RANBP10: variants seen among roughly 807,000 people sequenced by gnomAD.
RANBP10 encodes the protein RAN binding protein 10.
A neutral mutation model predicts 72.8 loss-of-function variants in RANBP10; 24 were observed. The observed-to-expected ratio is 0.33, with a 90% confidence interval of 0.24 to 0.46. The LOEUF is 0.46. RANBP10 is among the 20% of genes least tolerant of loss of function. The pLI, the probability that RANBP10 is intolerant of heterozygous loss-of-function variation, is 1.00. For missense variants in RANBP10, 679 were observed against 817.5 expected (o/e 0.83, Z 2.07); for synonymous variants, 310 against 322.3 (o/e 0.96, Z 0.41).
intron 2 of RANBP10, among the ~76,000 whole-genome samples, chr16:67,799,619 G>T (rs995895666): frequency 6.6e-6 from 1 of 152,030 alleles, no homozygotes; most frequent in Non-Finnish European, 1.5e-5. Context: ...TGTTTCTTCT[G>T]CCTGAAGCAT....
intron 3 of RANBP10, among the ~76,000 whole-genome samples, chr16:67,758,840 T>G (rs1260997560): frequency 6.6e-6 from 1 of 151,210 alleles, no homozygotes; most frequent in East Asian, 1.9e-4. Context: ...ATGCCCAGAA[T>G]AAGACTTTTT....
In RANBP10 at chr16:67,775,367, G is replaced by A. The variant is rs78026795; in HGVS notation, c.348-3281C>T. ...ACATCATACTCAATGGTGGAAGACT[G>A]AAAGCCTTTCATCTAAGATGCCTGC... is the stretch of plus-strand genomic sequence containing the variant. On this transcript the variant is annotated intron_variant, in intron 2 of 13. Transcript: ENST00000317506. Among the ~76,000 whole-genome samples, 427 of 152,258 alleles carry A rather than the reference G, an allele frequency of 2.8e-3. 1 individual carries two copies. Among genetic ancestry groups the A allele is most frequent in the African/African-American group, 9.8e-3 (409 of 41,538 alleles).
chr16:67,752,968 A>G (rs1369972676), intron 3 of RANBP10, among the ~76,000 whole-genome samples: 1 of 152,206 alleles, frequency 6.6e-6, no homozygotes, highest in Non-Finnish European at 1.5e-5. Flanking sequence ...GGCTGGGTGC[A>G]GTGGCTCATG....
chr16:67,737,509 T>C (rs1441970448), intron 5 of RANBP10, among the ~76,000 whole-genome samples: 2 of 151,958 alleles, frequency 1.3e-5, no homozygotes, highest in African/African-American at 4.8e-5. Context: ...GCCAGAAAAC[T>C]CCATCCTTTT....
intron 3 of RANBP10, among the ~76,000 whole-genome samples, chr16:67,751,177 C>T (rs1235180588): frequency 2.6e-5 from 4 of 152,150 alleles, no homozygotes; most frequent in African/African-American, 9.7e-5. Context: ...CCTACTTAGT[C>T]AGTGATTCAA....
At chr16:67,794,175 A>G (rs138748841) in intron 2 of RANBP10, among the ~76,000 whole-genome samples, 4,856 of 152,172 alleles carry the variant, frequency 0.032, 114 homozygotes, top group Non-Finnish European at 0.051. Flanking sequence ...TGGTGGCTCA[A>G]GCCTGTAATC....
chr16:67,743,422 C>A (rs2054007276), intron 4 of RANBP10, among the ~76,000 whole-genome samples: 2 of 152,092 alleles, frequency 1.3e-5, no homozygotes, highest in Admixed American at 1.3e-4. Flanking sequence ...CACCTCAGGG[C>A]CAATGTGGCC....
At chr16:67,737,421 C>T (rs944311284) in intron 5 of RANBP10, among the ~76,000 whole-genome samples, 13 of 151,890 alleles carry the variant, frequency 8.6e-5, no homozygotes, top group Non-Finnish European at 1.3e-4. Flanking sequence ...CCAGGACGAT[C>T]TTGATCTCCT....
intron 5 of RANBP10, among the ~76,000 whole-genome samples, chr16:67,736,059 A>G (rs1314531058): frequency 6.6e-6 from 1 of 151,986 alleles, no homozygotes; most frequent in African/African-American, 2.4e-5. Context: ...AACTGTCCAG[A>G]GCCTCGCTAG....
In RANBP10 at chr16:67,806,549, T is replaced by C. The variant is rs553311826; in HGVS notation, c.-13A>G. 4.1e-6 allele frequency: 6 copies of C among 1,473,268 alleles called. No homozygotes were observed. The highest frequency in any genetic ancestry group is 4.1e-5 in the South Asian group (3 of 74,050). The allele number at this position is 1,473,268 out of a possible 1,614,324, so 91.3% of individuals were successfully genotyped here. The stretch of plus-strand genomic sequence containing the variant: ...TCGCTGCCGCCATCTTGGAGGGAGC[T>C]ACTATTGTGTCACTGGGGGCGGGGA... On this transcript the variant is annotated 5_prime_UTR_variant, in exon 1 of 14. Transcript: ENST00000317506.
chr16:67,750,990 T>C (rs531960541), intron 3 of RANBP10, among the ~76,000 whole-genome samples: 1 of 152,214 alleles, frequency 6.6e-6, no homozygotes, highest in African/African-American at 2.4e-5. Context: ...ATGGTCTCGA[T>C]CTCCTGATCT....
intron 3 of RANBP10, among the ~76,000 whole-genome samples, chr16:67,767,654 G>A (rs1392654397): frequency 3.3e-5 from 5 of 151,352 alleles, no homozygotes; most frequent in Non-Finnish European, 5.9e-5. Flanking sequence ...TGGAGTGCTA[G>A]GGCGCTACCT....
At chr16:67,768,440 G>A (rs1185595849) in intron 3 of RANBP10, among the ~76,000 whole-genome samples, 1 of 152,118 alleles carries the variant, frequency 6.6e-6, no homozygotes, top group Non-Finnish European at 1.5e-5. Flanking sequence ...AGAATAGCTT[G>A]AACCCGGGAG....
intron 3 of RANBP10, among the ~76,000 whole-genome samples, chr16:67,755,704 A>G (rs925252220): frequency 2.6e-5 from 4 of 151,546 alleles, no homozygotes; most frequent in African/African-American, 9.7e-5. Context: ...AAAAAAAAAA[A>G]AAAGGACAAG....
intron 2 of RANBP10, among the ~76,000 whole-genome samples, chr16:67,787,481 A>G (rs1015811973): frequency 2.0e-5 from 3 of 152,332 alleles, no homozygotes; most frequent in Admixed American, 6.5e-5. Flanking sequence ...AGTTACCCAA[A>G]AAAGTTAAAT....
At position 67,784,551 on chromosome 16, in the gene RANBP10, G is replaced by A. The variant is rs1397752634; in HGVS notation, c.348-12465C>T. On this transcript the variant is annotated intron_variant, in intron 2 of 13. Transcript: ENST00000317506. Reference sequence around the variant, plus strand: ...CATGCCTCTAATCCCAGCTACTCTGGAGGCTGAGGCAGGAGAATCATTTGG... The same window carrying A: ...CATGCCTCTAATCCCAGCTACTCTGAAGGCTGAGGCAGGAGAATCATTTGG... Among the ~76,000 whole-genome samples, 9 of 152,318 alleles carry A rather than the reference G, an allele frequency of 5.9e-5. No individual in the cohort carries two copies. In the East Asian group the frequency reaches 1.5e-3, roughly 26 times the overall value.
chr16:67,777,514 C>T (rs1374239555), intron 2 of RANBP10, among the ~76,000 whole-genome samples: 6 of 151,452 alleles, frequency 4.0e-5, no homozygotes, highest in East Asian at 1.9e-4. Context: ...CCAGCCTGGG[C>T]GACAAAGCGA....
intron 3 of RANBP10, among the ~76,000 whole-genome samples, chr16:67,755,892 G>A (rs1383366227): frequency 7.9e-5 from 12 of 152,074 alleles, no homozygotes; most frequent in Admixed American, 7.9e-4. Flanking sequence ...AGAAGTGATG[G>A]GCAGTTAGCC....
Position 67,738,031 on chromosome 16 carries a change from T to C in RANBP10, c.573A>G (p.Ile191Met). The change falls in exon 5 of 14, where the codon ATA (isoleucine) becomes ATG (methionine). Residue 191 changes from isoleucine (I) to methionine (M), a missense_variant. Transcript: ENST00000317506. Reference protein sequence around the residue: ...FYTKNGHSLGIAFTDLPANLY... With the variant: ...FYTKNGHSLGMAFTDLPANLY... The stretch of plus-strand genomic sequence containing the variant: ...TACTCACCGGGAGGTCTGTGAAGGC[T>C]ATACCTGTGGGGGGAAAGGAACAGT... 1 of 1,590,342 alleles carries C rather than the reference T, an allele frequency of 6.3e-7. No individual in the cohort carries two copies.
Sources: gnomAD v4.1 joint callset for allele counts (sites outside exome capture counted in the v4.1 genomes callset) on GRCh38, gnomAD v4.1.1 for gene constraint, MANE v1.5 for transcripts, NCBI Gene and HGNC (gene_info 2026-07-23, HGNC 2026-07-21) for gene names.